NRXN1: variants seen among roughly 807,000 people sequenced by gnomAD.
NRXN1 encodes the protein neurexin 1, also known as neurexin-1.
In NRXN1, 39 loss-of-function variants were observed where a neutral mutation model predicts 150.9. That is an observed-to-expected ratio of 0.26 (90% CI 0.20 to 0.34). NRXN1 has a LOEUF of 0.34. Ranked by LOEUF, NRXN1 falls within the 10% of genes least tolerant of loss-of-function variation. The probability of loss-of-function intolerance (pLI) is 1.00; values close to 1 mark genes in which losing one functional copy is unlikely to be tolerated. For missense variants in NRXN1, 1,815 were observed against 1,949.9 expected (o/e 0.93, Z 1.30); for synonymous variants, 924 against 757.0 (o/e 1.22, Z -3.62).
intron 17 of NRXN1, among the ~76,000 whole-genome samples, chr2:50,243,817 A>G (rs779287207): frequency 9.2e-5 from 14 of 151,852 alleles, no homozygotes; most frequent in Non-Finnish European, 1.8e-4. Flanking sequence ...AAGCCAGCCC[A>G]TCTGAGATTA....
intron 5 of NRXN1, among the ~76,000 whole-genome samples, chr2:50,802,603 AG>A: frequency 6.6e-6 from 1 of 151,648 alleles, no homozygotes; most frequent in East Asian, 1.9e-4. Context: ...AGAGAAAAGA[AG>A]GAAAGAAAGA....
intron 22 of NRXN1, among the ~76,000 whole-genome samples, chr2:49,933,067 CTTTTT>C (rs769734405): frequency 1.1e-4 from 16 of 151,836 alleles, no homozygotes; most frequent in Non-Finnish European, 2.4e-4. Context: ...GGTGTATTTT[CTTTTT>C]TTGTTTGTTT....
intron 2 of NRXN1, among the ~76,000 whole-genome samples, chr2:50,939,870 T>A (rs754467353): frequency 3.3e-5 from 5 of 152,210 alleles, no homozygotes; most frequent in African/African-American, 1.2e-4. Context: ...ATCCATATAG[T>A]AGTTAACTGA....
At chr2:50,567,755 G>C (rs990632461) in intron 8 of NRXN1, among the ~76,000 whole-genome samples, 1 of 152,080 alleles carries the variant, frequency 6.6e-6, no homozygotes, top group Non-Finnish European at 1.5e-5. Context: ...ATTAAAATTA[G>C]AACTAGAATG....
intron 5 of NRXN1, among the ~76,000 whole-genome samples, chr2:50,640,803 G>A (rs770302366): frequency 3.9e-5 from 6 of 152,050 alleles, no homozygotes; most frequent in South Asian, 2.1e-4. Context: ...ATTTATGATC[G>A]TAGCCTATCT....
chr2:50,466,622 G>A (rs1573092762), intron 16 of NRXN1: 3 of 378,062 alleles, frequency 7.9e-6, no homozygotes, highest in Admixed American at 3.4e-5. Flanking sequence ...GCTATGTAGA[G>A]CAAACAAATT....
At position 50,051,909 on chromosome 2, in the gene NRXN1, C is replaced by T. The variant is rs937472424; in HGVS notation, c.4128+1362G>A. Among the ~76,000 whole-genome samples the T allele has an allele frequency of 2.0e-5, 3 of 151,736 alleles. No homozygotes were observed. The East Asian group carries it at 5.8e-4, about 29-fold the overall frequency. On this transcript the variant is annotated intron_variant, in intron 21 of 22. Coordinates refer to ENST00000401669, the MANE Select transcript of NRXN1 (RefSeq NM_001330078.2). Reference sequence around the variant, plus strand: ...TTTGTAGCCACATGCAAATAGGAAACGAAAAGAAAAGAGAGAAAAATGAAA... The same window carrying T: ...TTTGTAGCCACATGCAAATAGGAAATGAAAAGAAAAGAGAGAAAAATGAAA...
chr2:50,388,833 G>C (rs554035706), intron 17 of NRXN1, among the ~76,000 whole-genome samples: 1 of 151,884 alleles, frequency 6.6e-6, no homozygotes, highest in South Asian at 2.1e-4. Flanking sequence ...CTAAATAAAG[G>C]TTCTCTGATT....
At chr2:50,082,486 C>A (rs1232890377) in intron 19 of NRXN1, among the ~76,000 whole-genome samples, 1 of 152,060 alleles carries the variant, frequency 6.6e-6, no homozygotes, top group Non-Finnish European at 1.5e-5. Flanking sequence ...ATATACTTGG[C>A]AAAAGTTCTT....
chr2:49,995,920 T>C (rs1682916253), intron 21 of NRXN1, among the ~76,000 whole-genome samples: 1 of 145,846 alleles, frequency 6.9e-6, no homozygotes, highest in Non-Finnish European at 1.5e-5. Flanking sequence ...GTATGCCCCT[T>C]GGGTCTCATG....
chr2:50,909,050 T>C (rs1296643928), intron 5 of NRXN1, among the ~76,000 whole-genome samples: 1 of 152,048 alleles, frequency 6.6e-6, no homozygotes, highest in Non-Finnish European at 1.5e-5. Flanking sequence ...AATATATTTA[T>C]AGAAAGTATT....
chr2:50,699,175 T>C (rs1693378524), intron 5 of NRXN1, among the ~76,000 whole-genome samples: 1 of 152,068 alleles, frequency 6.6e-6, no homozygotes, highest in African/African-American at 2.4e-5. Flanking sequence ...TAGTATGGGA[T>C]GATAAAGATT....
At chr2:51,023,288 T>C (rs1669913034) in intron 2 of NRXN1, among the ~76,000 whole-genome samples, 1 of 152,196 alleles carries the variant, frequency 6.6e-6, no homozygotes. Context: ...CTCTTTGCAT[T>C]ACTATTTTAT....
intron 19 of NRXN1, among the ~76,000 whole-genome samples, chr2:50,055,987 G>A (rs912569675): frequency 1.3e-5 from 2 of 151,934 alleles, no homozygotes; most frequent in African/African-American, 4.8e-5. Context: ...GCAAATAGAT[G>A]AGTGTTTTCT....
intron 5 of NRXN1, among the ~76,000 whole-genome samples, chr2:50,920,426 GA>G (rs1170664427): frequency 6.6e-6 from 1 of 151,618 alleles, no homozygotes; most frequent in Non-Finnish European, 1.5e-5. Context: ...ATTATTTTAA[GA>G]GTTACTTTTT....
chr2:50,605,000 T>C (rs189963302), intron 8 of NRXN1, among the ~76,000 whole-genome samples: 1 of 152,294 alleles, frequency 6.6e-6, no homozygotes, highest in Admixed American at 6.5e-5. Context: ...ATACAACAGA[T>C]GTCTTAGGGC....
At chr2:50,363,550 C>T (rs1196995721) in intron 17 of NRXN1, among the ~76,000 whole-genome samples, 1 of 152,208 alleles carries the variant, frequency 6.6e-6, no homozygotes, top group African/African-American at 2.4e-5. Context: ...GATACCATCT[C>T]ACGCCAGTTA....
intron 8 of NRXN1, among the ~76,000 whole-genome samples, chr2:50,605,836 T>G (rs555585107): frequency 6.6e-6 from 1 of 152,262 alleles, no homozygotes. Flanking sequence ...TAAGAGATAT[T>G]TGTACTCCTA....
At chr2:50,422,312 T>A (rs972094962) in intron 17 of NRXN1, among the ~76,000 whole-genome samples, 4 of 152,100 alleles carry the variant, frequency 2.6e-5, no homozygotes, top group African/African-American at 9.7e-5. Context: ...GAATTCTAAC[T>A]ATAGCCTAGA....
Sources: allele counts gnomAD v4.1 joint callset (sites outside exome capture counted in the v4.1 genomes callset), GRCh38; gene constraint gnomAD v4.1.1; transcripts MANE v1.5; gene names NCBI Gene and HGNC (gene_info 2026-07-23, HGNC 2026-07-21).